The following PARVB variants were observed in gnomAD, a reference collection of about 807,000 sequenced individuals.
PARVB encodes the protein parvin beta.
In PARVB, 46 loss-of-function variants were observed where a neutral mutation model predicts 47.0. The ratio of observed to expected loss-of-function variants is 0.98; its 90% CI spans 0.77 to 1.25. The LOEUF (loss-of-function observed/expected upper bound fraction) is 1.25, where lower values mean the gene tolerates loss of function less well. PARVB is among the 50% of genes most tolerant of loss of function. PARVB has a pLI of 0.00. For missense variants in PARVB, 473 were observed against 471.6 expected, an observed-to-expected ratio of 1.00 and a Z score of -0.03; for synonymous variants, 196 against 196.3, an observed-to-expected ratio of 1.00 and a Z score of 0.01.
intron 1 of PARVB, among the ~76,000 whole-genome samples, chr22:44,070,870 C>T (rs944780296): frequency 2.6e-5 from 4 of 152,160 alleles, no homozygotes; most frequent in Non-Finnish European, 4.4e-5. Context: ...ACCAGATTCT[C>T]TTCACTCAGG....
At chr22:44,057,109 G>C (rs148105357) in intron 1 of PARVB, among the ~76,000 whole-genome samples, 1 of 150,556 alleles carries the variant, frequency 6.6e-6, no homozygotes, top group Non-Finnish European at 1.5e-5. Context: ...TTTGTCCTGC[G>C]TGTCTCAACC....
At chr22:44,093,541 C>T (rs979184097) in intron 1 of PARVB, among the ~76,000 whole-genome samples, 10 of 152,336 alleles carry the variant, frequency 6.6e-5, no homozygotes, top group South Asian at 2.1e-4. Context: ...CGCAGCCCCC[C>T]GGCAGAGGGA....
chr22:44,045,158 G>A (rs2051092839), intron 1 of PARVB, among the ~76,000 whole-genome samples: 2 of 152,152 alleles, frequency 1.3e-5, no homozygotes, highest in African/African-American at 4.8e-5. Context: ...GGGCTTTCAG[G>A]TGGGAGGATC....
intron 1 of PARVB, among the ~76,000 whole-genome samples, chr22:44,044,468 G>A (rs924064937): frequency 5.3e-5 from 8 of 151,926 alleles, no homozygotes; most frequent in African/African-American, 1.7e-4. Context: ...GGGATTACAG[G>A]CGTGAGCCAC....
chr22:44,163,746 C>T (rs62227757), intron 11 of PARVB, 112 bp from the exon 12 acceptor site: 55 of 866,184 alleles, frequency 6.3e-5, no homozygotes, highest in Admixed American at 1.3e-4. Context: ...TCCTTGTGGA[C>T]GTCAGCGTTG....
rs373109850 is a variant in PARVB at position 44,108,985 on chromosome 22, G to A, written c.273+8862G>A. The A allele has an allele frequency of 1.1e-4, 16 of 152,346 alleles. No homozygotes were observed. In the East Asian group the frequency reaches 2.1e-3, roughly 20 times the overall value. 9.4% of individuals were successfully genotyped at this position (152,346 alleles called of 1,614,324 possible). On this transcript the variant is annotated intron_variant, in intron 3 of 12. Transcript: ENST00000338758. ...CAGATTGGTTGAAAGCAGGCTGACT[G>A]CATGTCATCTGGGGGTGCGTCTCCC...
intron 4 of PARVB, among the ~76,000 whole-genome samples, chr22:44,122,084 C>T (rs926990712): frequency 1.3e-5 from 2 of 152,142 alleles, no homozygotes; most frequent in Non-Finnish European, 2.9e-5. Context: ...TAATTTGTTT[C>T]TCTCTGTATT....
intron 1 of PARVB, among the ~76,000 whole-genome samples, chr22:44,087,586 G>C (rs2052054215): frequency 6.6e-6 from 1 of 152,038 alleles, no homozygotes; most frequent in Admixed American, 6.5e-5. Flanking sequence ...CTTTAAACCA[G>C]CTTGCTTTCA....
At chr22:44,151,152 A>G (rs1170943036) in intron 9 of PARVB, 2 of 229,410 alleles carry the variant, frequency 8.7e-6, no homozygotes, top group African/African-American at 2.2e-5. Context: ...TGCAAATGTA[A>G]TGATCCTCCC....
chr22:44,111,432 C>CTTTTTTTT (rs10527330), intron 3 of PARVB: 17 of 59,238 alleles, frequency 2.9e-4, no homozygotes, highest in Non-Finnish European at 3.2e-4. Flanking sequence ...CCTGCAAAAC[C>CTTTTTTTT]TTTTTTTTTT....
chr22:44,149,146 C>T (rs1009758003), intron 9 of PARVB: 1 of 152,130 alleles, frequency 6.6e-6, no homozygotes, highest in Non-Finnish European at 1.5e-5. Flanking sequence ...CCTCTCAGGG[C>T]ACTGTGAGGA....
At chr22:44,069,230 C>A in intron 1 of PARVB, 1 of 1,414,258 alleles carries the variant, frequency 7.1e-7, no homozygotes, top group Non-Finnish European at 1.0e-6. Flanking sequence ...CTTTTCTTTT[C>A]TGCTTTATGG....
chr22:44,023,537 C>CAAAACAAAACAAAAT (rs1416034853), upstream of PARVB, among the ~76,000 whole-genome samples: 8 of 127,298 alleles, frequency 6.3e-5, no homozygotes, highest in African/African-American at 1.8e-4. Context: ...TAAAACAAAA[C>CAAAACAAAACAAAAT]AAAATAAAAT....
At position 44,127,873 on chromosome 22, in the gene PARVB, C is replaced by A. The variant is rs190207561; in HGVS notation, c.377-3614C>A. Among the ~76,000 whole-genome samples the A allele has an allele frequency of 3.6e-3, 554 of 152,072 alleles. 2 individuals are homozygous for A. Among genetic ancestry groups the A allele is most frequent in the African/African-American group, 0.012 (516 of 41,456 alleles). ...TGATCACAGCTCACTGCAGCCTTGA[C>A]CCCTAGGCTTGGATGATCTTCCCAC... On this transcript the variant is annotated intron_variant, in intron 4 of 12. Coordinates refer to ENST00000338758, the MANE Select transcript of PARVB (RefSeq NM_013327.5).
chr22:44,018,180 T>A (rs1041842921), intron 2 of PARVB, among the ~76,000 whole-genome samples: 9 of 152,108 alleles, frequency 5.9e-5, no homozygotes, highest in African/African-American at 9.7e-5. Context: ...GGCGGGTGGA[T>A]CACCTGAGGT....
intron 1 of PARVB, among the ~76,000 whole-genome samples, chr22:44,093,564 T>C (rs1411196072): frequency 6.6e-6 from 1 of 152,160 alleles, no homozygotes; most frequent in Non-Finnish European, 1.5e-5. Context: ...GCAGCCCCAC[T>C]CTCTCATGCC....
chr22:44,018,270 T>C (rs1340658159), intron 2 of PARVB, among the ~76,000 whole-genome samples: 1 of 152,000 alleles, frequency 6.6e-6, no homozygotes, highest in Non-Finnish European at 1.5e-5. Flanking sequence ...GGTTTGGTGG[T>C]GGGCATCTGT....
At chr22:44,152,548 G>T in intron 10 of PARVB, 1 of 152,326 alleles carries the variant, frequency 6.6e-6, no homozygotes, top group Non-Finnish European at 1.5e-5. Flanking sequence ...GAACGTGCTG[G>T]CCCCTTCAGC....
intron 1 of PARVB, among the ~76,000 whole-genome samples, chr22:44,029,449 G>C (rs1306632843): frequency 6.6e-6 from 1 of 152,178 alleles, no homozygotes; most frequent in African/African-American, 2.4e-5. Context: ...TTGATGTAGA[G>C]TTAATGATTA....
Sources: allele counts gnomAD v4.1 joint callset (sites outside exome capture counted in the v4.1 genomes callset), GRCh38; gene constraint gnomAD v4.1.1; transcripts MANE v1.5; gene names NCBI Gene and HGNC (gene_info 2026-07-23, HGNC 2026-07-21).